Variants in RFX3 observed in about 807,000 individuals in gnomAD.
The protein encoded by RFX3 is regulatory factor X3.
A neutral mutation model predicts 98.6 loss-of-function variants in RFX3; 14 were observed. The observed-to-expected ratio is 0.14, with a 90% confidence interval of 0.09 to 0.22. The LOEUF (loss-of-function observed/expected upper bound fraction) is 0.22. RFX3 is among the 10% of genes least tolerant of loss of function. RFX3 has a pLI of 1.00. For missense variants in RFX3, 639 were observed against 926.9 expected, an observed-to-expected ratio of 0.69 and a Z score of 4.03; for synonymous variants, 383 against 328.4, an observed-to-expected ratio of 1.17 and a Z score of -1.80.
At chr9:3,362,161 C>T (rs1413106768) in intron 2 of RFX3, among the ~76,000 whole-genome samples, 1 of 152,100 alleles carries the variant, frequency 6.6e-6, no homozygotes, top group Non-Finnish European at 1.5e-5. Context: ...TGAGCAAGAG[C>T]CAGGAGATTC....
chr9:3,408,258 T>C (rs540720605), intron 1 of RFX3, among the ~76,000 whole-genome samples: 5 of 152,062 alleles, frequency 3.3e-5, no homozygotes, highest in African/African-American at 7.2e-5. Context: ...AACTGAGAAG[T>C]AGAGCTTTAA....
intron 1 of RFX3, among the ~76,000 whole-genome samples, chr9:3,523,158 A>G (rs896386903): frequency 3.3e-5 from 5 of 152,208 alleles, no homozygotes; most frequent in African/African-American, 1.2e-4. Context: ...TATGACATAC[A>G]TTGAATCACA....
At chr9:3,249,784 T>C (rs1821141410) in intron 14 of RFX3, among the ~76,000 whole-genome samples, 1 of 152,062 alleles carries the variant, frequency 6.6e-6, no homozygotes, top group Non-Finnish European at 1.5e-5. Flanking sequence ...AAGAGTCAAA[T>C]GACATAATGT....
At chr9:3,397,413 G>T (rs114628204) in intron 1 of RFX3, among the ~76,000 whole-genome samples, 87 of 152,286 alleles carry the variant, frequency 5.7e-4, no homozygotes, top group African/African-American at 2.0e-3. Flanking sequence ...ATTTTTGAAA[G>T]AGTATTCAGT....
In RFX3 at chr9:3,330,307, C is replaced by G; in HGVS notation, c.426G>C (p.Glu142Asp). ...TGTGTGTCACTGAGTGACCAGAATT[C>G]TCCATTGAGTTGCCGATCAGATAGG... ...GGTYLIGNSM[E>D]NSGHSVTHTT... The change falls in exon 4 of 17, where the codon GAG becomes GAC. Residue 142 changes from glutamate to aspartate, a missense_variant. Glu to Asp is a conservative substitution (Grantham distance 45). Transcript: ENST00000617270. The G allele has an allele frequency of 6.2e-7, 1 of 1,614,114 alleles. No individual in the cohort carries two copies. The highest frequency in any genetic ancestry group is 8.5e-7 in the Non-Finnish European group (1 of 1,180,004).
intron 3 of RFX3, among the ~76,000 whole-genome samples, chr9:3,337,333 C>A (rs930731045): frequency 2.0e-5 from 3 of 152,088 alleles, no homozygotes; most frequent in African/African-American, 7.2e-5. Flanking sequence ...CTAAAGGCAG[C>A]CAGAATGAGC....
At chr9:3,369,399 C>T (rs1190665514) in intron 2 of RFX3, among the ~76,000 whole-genome samples, 1 of 152,180 alleles carries the variant, frequency 6.6e-6, no homozygotes, top group Non-Finnish European at 1.5e-5. Flanking sequence ...CTAATCATTT[C>T]CTAAAATCCC....
intron 3 of RFX3, among the ~76,000 whole-genome samples, chr9:3,334,318 G>A (rs1243114045): frequency 2.6e-5 from 4 of 152,072 alleles, no homozygotes; most frequent in Non-Finnish European, 5.9e-5. Flanking sequence ...CATGGAAAAG[G>A]CAGGGCCATT....
intron 2 of RFX3, among the ~76,000 whole-genome samples, chr9:3,374,882 G>A (rs1838277823): frequency 6.8e-6 from 1 of 147,288 alleles, no homozygotes; most frequent in Non-Finnish European, 1.5e-5. Flanking sequence ...AAAAAAAACT[G>A]GAGTAGATAA....
intron 1 of RFX3, among the ~76,000 whole-genome samples, chr9:3,412,767 T>G (rs1461731460): frequency 6.6e-6 from 1 of 152,138 alleles, no homozygotes; most frequent in Non-Finnish European, 1.5e-5. Flanking sequence ...TAGCTTTGAA[T>G]GACCAGAAAA....
At chr9:3,256,184 A>G (rs1267165622) in intron 14 of RFX3, among the ~76,000 whole-genome samples, 1 of 151,734 alleles carries the variant, frequency 6.6e-6, no homozygotes. Flanking sequence ...GTTAGCGAGG[A>G]TGGTCTCGAT....
chr9:3,329,104 C>G (rs959653795), intron 4 of RFX3, among the ~76,000 whole-genome samples: 1 of 152,014 alleles, frequency 6.6e-6, no homozygotes, highest in African/African-American at 2.4e-5. Flanking sequence ...CATTTCAGTA[C>G]GCTAAAATAC....
intron 1 of RFX3, among the ~76,000 whole-genome samples, chr9:3,397,565 C>T (rs542123554): frequency 6.6e-6 from 1 of 152,212 alleles, no homozygotes; most frequent in Non-Finnish European, 1.5e-5. Flanking sequence ...ATTTTGTAAA[C>T]GAGGAACCTA....
chr9:3,381,076 A>G (rs1839138486), intron 2 of RFX3, among the ~76,000 whole-genome samples: 1 of 152,076 alleles, frequency 6.6e-6, no homozygotes, highest in African/African-American at 2.4e-5. Flanking sequence ...ATGTATTTCT[A>G]AAAGTGCTTG....
chr9:3,361,333 C>G, intron 2 of RFX3, among the ~76,000 whole-genome samples: 1 of 151,890 alleles, frequency 6.6e-6, no homozygotes, highest in Non-Finnish European at 1.5e-5. Context: ...AGTAAAACCA[C>G]AGGGAAATGA....
chr9:3,247,500 A>G lies in RFX3; in HGVS notation c.1968+532T>C, dbSNP rs147393822. The stretch of plus-strand genomic sequence containing the variant: ...AACAGAATAAAGTAGAACGTATCTC[A>G]AAGACTTGCATTAAGTGCTTTATTA... On this transcript the variant is annotated intron_variant, in intron 15 of 16. Transcript: ENST00000617270. 3,949 of 749,918 alleles carry G rather than the reference A, an allele frequency of 5.3e-3. 15 individuals are homozygous for G. Among genetic ancestry groups the G allele is most frequent in the Middle Eastern group, 8.6e-3 (14 of 1,626 alleles). 46.5% of individuals were successfully genotyped at this position (749,918 alleles called of 1,614,324 possible).
rs1564138854 is a variant in RFX3, at chr9:3,467,118, A to ATATATAAG, written c.-9+58628_-9+58629insCTTATATA. On this transcript the variant is annotated intron_variant, in intron 1 of 16. Coordinates refer to ENST00000617270, the MANE Select transcript of RFX3 (RefSeq NM_001282116.2). ...TATGTAAGTATATATGTATATACAT[A>ATATATAAG]CATATATGTAAGTATATATGTATAT... Among the ~76,000 whole-genome samples the ATATATAAG allele has an allele frequency of 7.4e-4, 102 of 137,848 alleles. 1 individual carries two copies. The highest frequency in any genetic ancestry group is 2.5e-3 in the African/African-American group (86 of 34,314). The allele number at this position is 137,848 out of a possible 152,430, so 90.4% of individuals were successfully genotyped here. A position where few individuals can be genotyped will look rare whatever the true frequency, so the allele number is the denominator to read the frequency against.
At chr9:3,257,777 A>C (rs988977240) in intron 13 of RFX3, among the ~76,000 whole-genome samples, 1 of 152,242 alleles carries the variant, frequency 6.6e-6, no homozygotes, top group Non-Finnish European at 1.5e-5. Context: ...AGGGCTATCA[A>C]GGCAAGGCTA....
intron 2 of RFX3, chr9:3,364,813 CT>C (rs1836857160): frequency 1.3e-5 from 2 of 152,230 alleles, no homozygotes; most frequent in Admixed American, 1.3e-4. Context: ...GAAGGCAGGT[CT>C]TAGGACTGGG....
Sources: allele counts gnomAD v4.1 joint callset (sites outside exome capture counted in the v4.1 genomes callset), GRCh38; gene constraint gnomAD v4.1.1; transcripts MANE v1.5; gene names NCBI Gene and HGNC (gene_info 2026-07-23, HGNC 2026-07-21).